The following ABLIM1 variants were observed in gnomAD, a reference collection of about 807,000 sequenced individuals.
The protein encoded by ABLIM1 is actin binding LIM protein 1.
A neutral mutation model predicts 107.0 loss-of-function variants in ABLIM1; 40 were observed. The observed-to-expected ratio is 0.37, with a 90% confidence interval of 0.29 to 0.49. ABLIM1 has a LOEUF of 0.49. Among genes scored for constraint, ABLIM1 ranks in the 20% least tolerant of loss-of-function variants. ABLIM1 has a pLI of 0.97. For missense variants in ABLIM1, 857 were observed against 1,008.5 expected (o/e 0.85, Z 2.04); for synonymous variants, 357 against 357.3 (o/e 1.00, Z 0.01).
At chr10:114,790,127 G>A in the ABLIM1 span, among the ~76,000 whole-genome samples, 1 of 151,886 alleles carries the variant, frequency 6.6e-6, no homozygotes, top group South Asian at 2.1e-4. Flanking sequence ...TTTGACCTTT[G>A]TTAGATGTAT....
At chr10:114,475,715 A>G (rs4465298) in intron 8 of ABLIM1, among the ~76,000 whole-genome samples, 1 of 152,226 alleles carries the variant, frequency 6.6e-6, no homozygotes, top group South Asian at 2.1e-4. Flanking sequence ...ACTTCATAGT[A>G]TATACCTGAA....
At chr10:114,664,999 T>A (rs2079961990) in intron 1 of ABLIM1, among the ~76,000 whole-genome samples, 1 of 151,740 alleles carries the variant, frequency 6.6e-6, no homozygotes, top group African/African-American at 2.4e-5. Flanking sequence ...GTGCTTGTAG[T>A]CCCAGCTATT....
chr10:114,650,811 T>C (rs1411528080), intron 1 of ABLIM1, among the ~76,000 whole-genome samples: 1 of 152,222 alleles, frequency 6.6e-6, no homozygotes, highest in African/African-American at 2.4e-5. Flanking sequence ...GTATTTGTTA[T>C]CTAGACAATT....
intron 4 of ABLIM1, among the ~76,000 whole-genome samples, chr10:114,559,463 GAAAGAAA>G: frequency 2.6e-5 from 1 of 38,180 alleles, no homozygotes; most frequent in East Asian, 8.6e-4. Context: ...AAAAAAAAAA[GAAAGAAA>G]GAAAAAAAGA....
intron 1 of ABLIM1, among the ~76,000 whole-genome samples, chr10:114,649,303 A>G (rs1056939998): frequency 1.3e-5 from 2 of 151,810 alleles, no homozygotes; most frequent in African/African-American, 4.8e-5. Context: ...CAGAAGGCGG[A>G]GGCACAGAGA....
intron 1 of ABLIM1, among the ~76,000 whole-genome samples, chr10:114,608,516 A>C (rs2076580303): frequency 6.6e-6 from 1 of 151,356 alleles, no homozygotes; most frequent in Non-Finnish European, 1.5e-5. Flanking sequence ...CTGAAAATAC[A>C]AAATTAGCTG....
At chr10:114,661,732 T>C (rs1394920879), upstream of ABLIM1, among the ~76,000 whole-genome samples, 1 of 152,204 alleles carries the variant, frequency 6.6e-6, no homozygotes, top group Non-Finnish European at 1.5e-5. Context: ...CCTGTGTATC[T>C]TATCAGATAG....
chr10:114,583,404 A>AACACACAC (rs1164587300), intron 2 of ABLIM1, among the ~76,000 whole-genome samples: 17 of 71,364 alleles, frequency 2.4e-4, no homozygotes, highest in East Asian at 2.2e-3. Context: ...GAGAAAAGGG[A>AACACACAC]ACACACACAC....
Position 114,629,812 on chromosome 10 carries a change from T to C in ABLIM1, c.245-27851A>G, listed in dbSNP as rs910332158. Among the ~76,000 whole-genome samples the C allele has an allele frequency of 6.6e-5, 10 of 152,076 alleles. No homozygotes were observed. Among genetic ancestry groups the C allele is most frequent in the South Asian group, 2.1e-4 (1 of 4,826 alleles). ...CTATGAAGAAGTTCCCTTTTTCCTATGGAAACCCTTGTGTACCTACCAAAA... is the reference window on the plus strand; with the variant it reads ...CTATGAAGAAGTTCCCTTTTTCCTACGGAAACCCTTGTGTACCTACCAAAA... On this transcript the variant is annotated intron_variant, in intron 1 of 22. Transcript: ENST00000533213. The surrounding 1 kb of genome is among the most constrained non-coding windows in gnomAD (Gnocchi z 4.0).
At chr10:114,673,100 A>T (rs1371177488) in intron 1 of ABLIM1, among the ~76,000 whole-genome samples, 2 of 152,084 alleles carry the variant, frequency 1.3e-5, no homozygotes, top group Non-Finnish European at 1.5e-5. Context: ...TCTACTAAAA[A>T]TACAAAAATT....
chr10:114,489,229 GCT>G (rs1184986226), intron 7 of ABLIM1, among the ~76,000 whole-genome samples: 1 of 152,080 alleles, frequency 6.6e-6, no homozygotes, highest in Non-Finnish European at 1.5e-5. Context: ...TATTGGCCAG[GCT>G]CTTTGGAACT....
chr10:114,523,086 G>A (rs1206421971), intron 6 of ABLIM1, among the ~76,000 whole-genome samples: 4 of 152,160 alleles, frequency 2.6e-5, no homozygotes, highest in African/African-American at 7.2e-5. Flanking sequence ...AGGAGGTGGA[G>A]GTTGCAGTGA....
intron 8 of ABLIM1, among the ~76,000 whole-genome samples, chr10:114,486,999 A>C (rs969349467): frequency 1.3e-5 from 2 of 152,232 alleles, no homozygotes; most frequent in East Asian, 1.9e-4. Flanking sequence ...AAAAAGGCAG[A>C]GCGAATGGGT....
intron 1 of ABLIM1, among the ~76,000 whole-genome samples, chr10:114,636,948 G>A (rs60805990): frequency 0.017 from 2,567 of 150,680 alleles, 68 homozygotes; most frequent in African/African-American, 0.06. Context: ...CAGGAGAATC[G>A]CTTGAACCCA....
At position 114,668,048 on chromosome 10, in the gene ABLIM1, C is replaced by T. The variant is rs539382604; in HGVS notation, c.64+16242G>A. On this transcript the variant is annotated intron_variant, in intron 1 of 23. Transcript: ENST00000369256. Reference sequence around the variant, plus strand: ...GAGGGGGTGTGGTTGGGGGGTCCTTCGAGGTAGGCAGTACTAGGGGATGGG... The same window carrying T: ...GAGGGGGTGTGGTTGGGGGGTCCTTTGAGGTAGGCAGTACTAGGGGATGGG... Among the ~76,000 whole-genome samples, 314 of 147,316 alleles carry T rather than the reference C, an allele frequency of 2.1e-3. 1 individual carries two copies. Among genetic ancestry groups the T allele is most frequent in the African/African-American group, 7.3e-3 (289 of 39,486 alleles).
At chr10:114,766,237 C>T (rs1489666731) in intron 1 of ABLIM1, among the ~76,000 whole-genome samples, 2 of 152,136 alleles carry the variant, frequency 1.3e-5, no homozygotes, top group African/African-American at 4.8e-5. Context: ...TACCTGACAC[C>T]TAATAAACAT....
At chr10:114,603,767 A>T (rs1344933015) in intron 1 of ABLIM1, among the ~76,000 whole-genome samples, 3 of 152,158 alleles carry the variant, frequency 2.0e-5, no homozygotes, top group African/African-American at 7.2e-5. Flanking sequence ...CAGCCTGGCC[A>T]ACACGGTGAA....
At chr10:114,760,736 T>C (rs762941574) in intron 1 of ABLIM1, among the ~76,000 whole-genome samples, 4 of 152,180 alleles carry the variant, frequency 2.6e-5, no homozygotes, top group Non-Finnish European at 5.9e-5. Flanking sequence ...AGATACAATG[T>C]GGGAACAATT....
At chr10:114,764,004 C>A (rs2082818963) in intron 1 of ABLIM1, among the ~76,000 whole-genome samples, 1 of 152,112 alleles carries the variant, frequency 6.6e-6, no homozygotes, top group African/African-American at 2.4e-5. Flanking sequence ...GGGACTCTAT[C>A]TTTAGTGTTT....
Sources: allele counts gnomAD v4.1 joint callset (sites outside exome capture counted in the v4.1 genomes callset), GRCh38; gene constraint gnomAD v4.1.1; non-coding constraint Gnocchi (gnomAD v3.1); transcripts MANE v1.5; gene names NCBI Gene and HGNC (gene_info 2026-07-23, HGNC 2026-07-21).